Variants in FBXL7 observed in about 807,000 individuals in gnomAD.
The protein encoded by FBXL7 is F-box and leucine rich repeat protein 7.
A neutral mutation model predicts 38.3 loss-of-function variants in FBXL7; 12 were observed. That is an observed-to-expected ratio of 0.31 (90% confidence interval 0.20 to 0.51). FBXL7 has a LOEUF of 0.51. Ranked by LOEUF, FBXL7 falls within the 20% of genes least tolerant of loss-of-function variation. FBXL7 has a pLI of 0.98. For synonymous variants in FBXL7, 297 were observed against 300.9 expected (o/e 0.99, Z 0.13); for missense variants, 567 against 676.4 (o/e 0.84, Z 1.79).
At chr5:15,733,594 G>A (rs370342138) in intron 2 of FBXL7, among the ~76,000 whole-genome samples, 1 of 152,106 alleles carries the variant, frequency 6.6e-6, no homozygotes, top group East Asian at 1.9e-4. Context: ...CAACCTGTAG[G>A]CCTATAAAAG....
At chr5:15,702,200 T>A (rs1743545877) in intron 2 of FBXL7, among the ~76,000 whole-genome samples, 1 of 147,378 alleles carries the variant, frequency 6.8e-6, no homozygotes, top group Non-Finnish European at 1.5e-5. Context: ...ATTGCGCCAC[T>A]GCATTCCAGC....
chr5:15,796,169 G>A (rs1377163316), intron 2 of FBXL7, among the ~76,000 whole-genome samples: 1 of 152,106 alleles, frequency 6.6e-6, no homozygotes, highest in East Asian at 1.9e-4. Context: ...AAATAAACCA[G>A]ATCTTTTTCT....
intron 2 of FBXL7, among the ~76,000 whole-genome samples, chr5:15,667,334 A>T (rs1742314479): frequency 6.6e-6 from 1 of 152,238 alleles, no homozygotes; most frequent in African/African-American, 2.4e-5. Context: ...AAGTAGGCAG[A>T]CAGTAGCAGG....
At chr5:15,510,549 G>A (rs1410335083) in intron 1 of FBXL7, among the ~76,000 whole-genome samples, 1 of 152,152 alleles carries the variant, frequency 6.6e-6, no homozygotes, top group Non-Finnish European at 1.5e-5. Flanking sequence ...ATGCAGCTGA[G>A]GGAGGGGAGG....
intron 1 of FBXL7, among the ~76,000 whole-genome samples, chr5:15,503,555 A>G (rs1243140373): frequency 6.6e-6 from 1 of 152,176 alleles, no homozygotes; most frequent in Non-Finnish European, 1.5e-5. Context: ...CCTGTAACCA[A>G]TCTTGCTGTT....
chr5:15,856,108 G>A (rs1255951095), intron 2 of FBXL7, among the ~76,000 whole-genome samples: 1 of 152,090 alleles, frequency 6.6e-6, no homozygotes, highest in Non-Finnish European at 1.5e-5. Flanking sequence ...TGTGGCTGGG[G>A]AGATCTCAGA....
chr5:15,628,783 T>C (rs777384006), intron 2 of FBXL7, among the ~76,000 whole-genome samples: 2 of 152,192 alleles, frequency 1.3e-5, no homozygotes, highest in Non-Finnish European at 2.9e-5. Context: ...TAAAAATTAC[T>C]ATTCTTTTTA....
intron 2 of FBXL7, among the ~76,000 whole-genome samples, chr5:15,618,237 A>G (rs1740515285): frequency 6.6e-6 from 1 of 152,210 alleles, no homozygotes; most frequent in Non-Finnish European, 1.5e-5. Flanking sequence ...GGAAAATGTT[A>G]TGTTCATATG....
intron 1 of FBXL7, among the ~76,000 whole-genome samples, chr5:15,505,776 G>C (rs1346172748): frequency 6.6e-6 from 1 of 152,144 alleles, no homozygotes; most frequent in African/African-American, 2.4e-5. Flanking sequence ...TGAGGATCCA[G>C]GTAGCATGCT....
chr5:15,757,251 T>C (rs1439086304), intron 2 of FBXL7, among the ~76,000 whole-genome samples: 3 of 152,124 alleles, frequency 2.0e-5, no homozygotes, highest in Admixed American at 2.0e-4. Context: ...AGAAAAATTA[T>C]TGAAATAATG....
At position 15,616,064 on chromosome 5, in the gene FBXL7, C is replaced by T. The variant is rs1389277367; in HGVS notation, c.119C>T (p.Thr40Ile). The change falls in exon 2 of 4, where the codon ACC (threonine) becomes ATC (isoleucine). Residue 40 changes from threonine to isoleucine, a missense_variant. Physicochemically the swap from Thr to Ile is moderately conservative, Grantham distance 89. Coordinates refer to ENST00000504595, the MANE Select transcript of FBXL7 (RefSeq NM_012304.5). ...TPTKAQKNVA[T>I]SEDSDLSMRT... ...ACTAAAGCCCAGAAGAATGTGGCTA[C>T]CAGCGAAGGTAGGCAGCTGGTCTTC... 1 of 1,611,352 alleles carries T rather than the reference C, an allele frequency of 6.2e-7. No homozygotes were observed.
intron 2 of FBXL7, among the ~76,000 whole-genome samples, chr5:15,702,424 A>G (rs1354710881): frequency 1.3e-5 from 2 of 152,188 alleles, no homozygotes; most frequent in African/African-American, 2.4e-5. Flanking sequence ...TCACACAAAC[A>G]TAATGGAGCC....
chr5:15,920,488 C>T (rs1741710967), intron 2 of FBXL7, among the ~76,000 whole-genome samples: 1 of 152,022 alleles, frequency 6.6e-6, no homozygotes, highest in Non-Finnish European at 1.5e-5. Context: ...GTGTATCTTC[C>T]TGCAGACATC....
chr5:15,617,422 CATTTATTTATTTATTTATTT>C (rs3032718), intron 2 of FBXL7, among the ~76,000 whole-genome samples: 75 of 142,822 alleles, frequency 5.3e-4, no homozygotes, highest in African/African-American at 1.0e-3. Context: ...TGATTCTAGA[CATTTATTTATTTATTTATTT>C]ATTTATTTAT....
At chr5:15,520,644 A>G (rs563257517) in intron 1 of FBXL7, among the ~76,000 whole-genome samples, 1 of 152,254 alleles carries the variant, frequency 6.6e-6, no homozygotes, top group Non-Finnish European at 1.5e-5. Flanking sequence ...AAGGTGGTAC[A>G]TAAGTAGTGA....
At chr5:15,766,039 T>TCTGTCTGTCTACCTACCTAC (rs750041644) in intron 2 of FBXL7, among the ~76,000 whole-genome samples, 3 of 114,874 alleles carry the variant, frequency 2.6e-5, no homozygotes, top group Admixed American at 9.1e-5. Flanking sequence ...TGTCTGTCTG[T>TCTGTCTGTCTACCTACCTAC]CTATCTACCT....
At chr5:15,738,716 C>T (rs1735820786) in intron 2 of FBXL7, among the ~76,000 whole-genome samples, 2 of 152,222 alleles carry the variant, frequency 1.3e-5, no homozygotes, top group South Asian at 4.1e-4. Context: ...TACAGATCTG[C>T]TAGAAAAGGA....
intron 1 of FBXL7, among the ~76,000 whole-genome samples, chr5:15,607,672 A>C (rs537787843): frequency 8.5e-5 from 13 of 152,362 alleles, no homozygotes; most frequent in African/African-American, 3.1e-4. Flanking sequence ...GATAGGAAGA[A>C]AAAACCAGGA....
intron 2 of FBXL7, among the ~76,000 whole-genome samples, chr5:15,752,442 G>A (rs1736179656): frequency 6.6e-6 from 1 of 152,112 alleles, no homozygotes; most frequent in African/African-American, 2.4e-5. Flanking sequence ...TTCATGGGGA[G>A]AAAATGTTGG....
Sources: allele counts gnomAD v4.1 joint callset (sites outside exome capture counted in the v4.1 genomes callset), GRCh38; gene constraint gnomAD v4.1.1; transcripts MANE v1.5; gene names NCBI Gene and HGNC (gene_info 2026-07-23, HGNC 2026-07-21).